Variants in ERBB3 observed in about 807,000 individuals in gnomAD.
ERBB3 encodes the protein receptor tyrosine-protein kinase erbB-3.
Under a neutral mutation model 156.7 loss-of-function variants are expected in ERBB3, and 96 were observed. The observed-to-expected ratio is 0.61, with a 90% confidence interval of 0.52 to 0.73. The LOEUF (loss-of-function observed/expected upper bound fraction) is 0.73, where lower values mean the gene tolerates loss of function less well. ERBB3 is among the 30% of genes least tolerant of loss of function. ERBB3 has a pLI of 0.00. For missense variants in ERBB3, 1,406 were observed against 1,709.4 expected, an observed-to-expected ratio of 0.82 and a Z score of 3.13; for synonymous variants, 567 against 632.0, an observed-to-expected ratio of 0.90 and a Z score of 1.54.
In ERBB3 at chr12:56,095,279, G is replaced by C; in HGVS notation, c.1882G>C (p.Asp628His). ...TAGGTGTAAAGGACCAGAGCTTCAA[G>C]ACTGTTTAGGACAAACACTGGTGCT... is the stretch of plus-strand genomic sequence containing the variant. ...TQGCKGPELQ[D>H]CLGQTLVLIG... is the part of the protein sequence containing the mutation. The change falls in exon 16 of 28, where the codon GAC becomes CAC. Residue 628 changes from aspartate to histidine, a missense_variant. This residue lies in a region of ERBB3 where 979 missense variants were observed against 1,219.6 expected (regional missense o/e 0.80). Transcript: ENST00000267101. The C allele has an allele frequency of 6.2e-7, 1 of 1,613,978 alleles. No homozygotes were observed. The highest frequency in any genetic ancestry group is 8.5e-7 in the Non-Finnish European group (1 of 1,179,834).
chr12:56,102,692 G>A lies in ERBB3; in HGVS notation c.*637G>A, dbSNP rs1869153226. On this transcript the variant is annotated 3_prime_UTR_variant, in exon 28 of 28. Coordinates refer to ENST00000267101, the MANE Select transcript of ERBB3 (RefSeq NM_001982.4). ...TCTCATTTTACACAAAGGGAAGTCGGGCATGGTGGCTCATGCCTGTAATCT... is the reference window on the plus strand; with the variant it reads ...TCTCATTTTACACAAAGGGAAGTCGAGCATGGTGGCTCATGCCTGTAATCT... 4.4e-6 allele frequency: 1 copy of A among 226,684 alleles called. No homozygotes were observed. Among genetic ancestry groups the A allele is most frequent in the African/African-American group, 2.2e-5 (1 of 44,790 alleles). 14.0% of individuals were successfully genotyped at this position (226,684 alleles called of 1,614,324 possible). A position where few individuals can be genotyped will look rare whatever the true frequency, so the allele number is the denominator to read the frequency against.
chr12:56,085,070 G>A lies in ERBB3; in HGVS notation c.310G>A (p.Val104Met), dbSNP rs1057519893. ...TACTCTACCATTGCCCAACCTCCGC[G>A]TGGTGCGAGGGACCCAGGTCTACGA... The part of the protein sequence containing the change: ...FSTLPLPNLR[V>M]VRGTQVYDGK... The change falls in exon 3 of 28, where the codon GTG (valine) becomes ATG (methionine). Residue 104 changes from valine to methionine, a missense_variant. Physicochemically the swap from Val to Met is conservative, Grantham distance 21. This residue lies in a region of ERBB3 where 979 missense variants were observed against 1,219.6 expected (regional missense o/e 0.80). Transcript: ENST00000267101. 6.2e-7 allele frequency: 1 copy of A among 1,614,096 alleles called. No homozygotes were observed. The highest frequency in any genetic ancestry group is 8.5e-7 in the Non-Finnish European group (1 of 1,180,020).
At chr12:56,086,792 C>A in intron 4 of ERBB3, 136 bp downstream of exon 4, 2 of 1,004,390 alleles carry the variant, frequency 2.0e-6, no homozygotes, top group Non-Finnish European at 3.1e-6. Context: ...CTCAGCAGCC[C>A]ACCAGGGCAG....
At position 56,085,147 on chromosome 12, in the gene ERBB3, C is replaced by T. The variant is rs774095251; in HGVS notation, c.387C>T (p.His129=). ...VMLNYNTNSS[H]ALRQLRLTQL... is the part of the protein sequence containing the mutation. Reference sequence around the variant, plus strand: ...TGAACTATAACACCAACTCCAGCCACGCTCTGCGCCAGCTCCGCTTGACTC... The same window carrying T: ...TGAACTATAACACCAACTCCAGCCATGCTCTGCGCCAGCTCCGCTTGACTC... Residue 129 remains histidine (H), a synonymous_variant, in exon 3 of 28, where the codon CAC becomes CAT. Transcript: ENST00000267101. 1.1e-5 allele frequency: 17 copies of T among 1,614,010 alleles called. No individual in the cohort carries two copies. The highest frequency in any genetic ancestry group is 5.0e-5 in the Admixed American group (3 of 59,974).
At chr12:56,086,995 A>C (rs555414441) in intron 4 of ERBB3, among the ~76,000 whole-genome samples, 17 of 152,142 alleles carry the variant, frequency 1.1e-4, no homozygotes, top group Admixed American at 1.1e-3. Flanking sequence ...AAAATCAGAC[A>C]GGCGTAGTGG....
chr12:56,081,281 G>A (rs776401513), intron 1 of ERBB3, among the ~76,000 whole-genome samples: 2 of 152,234 alleles, frequency 1.3e-5, no homozygotes, highest in African/African-American at 2.4e-5. Flanking sequence ...ACAGAGCCCC[G>A]GATTGCTCTT....
In ERBB3 at chr12:56,098,776, T is replaced by C. The variant is rs763753546; in HGVS notation, c.2710T>C (p.Leu904=). 10 of 1,613,846 alleles carry C rather than the reference T, an allele frequency of 6.2e-6. No homozygotes were observed. In the East Asian group the frequency reaches 6.7e-5, roughly 11 times the overall value. The change falls in exon 23 of 28, where the codon TTG becomes CTG. Residue 904 remains leucine, a synonymous_variant. Transcript: ENST00000267101. ...TGCAACAGGTGTGACAGTTTGGGAG[T>C]TGATGACCTTCGGGGCAGAGCCCTA... ...VWSYGVTVWE[L]MTFGAEPYAG... is the part of the protein sequence containing the mutation.
Position 56,095,801 on chromosome 12 carries a change from G to A in ERBB3, c.2050G>A (p.Gly684Ser), listed in dbSNP as rs758297377. The change falls in exon 17 of 28, where the codon GGT becomes AGT. Residue 684 changes from glycine (G) to serine (S), a missense_variant. Coordinates refer to ENST00000267101, the MANE Select transcript of ERBB3 (RefSeq NM_001982.4). Reference sequence around the variant, plus strand: ...GGCTATGAGGCGATACTTGGAACGGGGTGAGGTGAGTACTTAGCTTACTTT... The same window carrying A: ...GGCTATGAGGCGATACTTGGAACGGAGTGAGGTGAGTACTTAGCTTACTTT... ...KRAMRRYLER[G>S]ESIEPLDPSE... The A allele has an allele frequency of 6.2e-7, 1 of 1,614,158 alleles. No individual in the cohort carries two copies. The highest frequency in any genetic ancestry group is 8.5e-7 in the Non-Finnish European group (1 of 1,180,020).
At position 56,102,001 on chromosome 12, in the gene ERBB3, C is replaced by T. The variant is rs1182996382; in HGVS notation, c.3975C>T (p.Asn1325=). 2 of 1,613,492 alleles carry T rather than the reference C, an allele frequency of 1.2e-6. No homozygotes were observed. The highest frequency in any genetic ancestry group is 1.7e-5 in the Admixed American group (1 of 59,972). Residue 1325 remains asparagine, a synonymous_variant, in exon 28 of 28, where the codon AAC becomes AAT. Coordinates refer to ENST00000267101, the MANE Select transcript of ERBB3 (RefSeq NM_001982.4). ...AGGCTACAGACTCTGCCTTTGATAA[C>T]CCTGATTACTGGCATAGCAGGCTTT... is the stretch of plus-strand genomic sequence containing the variant. ...SLEATDSAFD[N]PDYWHSRLFP...
chr12:56,091,266 TTATATATATA>T (rs199547778), intron 9 of ERBB3, among the ~76,000 whole-genome samples: 3 of 43,434 alleles, frequency 6.9e-5, no homozygotes, highest in South Asian at 6.6e-4. Flanking sequence ...TTGGCTAATT[TTATATATATA>T]TATATATATA....
intron 2 of ERBB3, among the ~76,000 whole-genome samples, 197 bp from the exon 3 acceptor site, chr12:56,084,798 A>G (rs914239547): frequency 6.6e-6 from 1 of 152,070 alleles, no homozygotes; most frequent in East Asian, 1.9e-4. Context: ...TGGTGAGCCA[A>G]GATCGCACTA....
rs781015952 is a variant in ERBB3 at position 56,099,979 on chromosome 12, C to T, written c.3079C>T (p.Leu1027=). Residue 1027 remains leucine, a synonymous_variant, in exon 25 of 28, where the codon CTG becomes TTG. Transcript: ENST00000267101. ...AEEDNLATTT[L]GSALSLPVGT... ...GGAGGACAACCTGGCAACCACCACA[C>T]TGGGCTCCGCCCTCAGCCTACCAGT... 6.2e-7 allele frequency: 1 copy of T among 1,614,256 alleles called. No individual in the cohort carries two copies. Among genetic ancestry groups the T allele is most frequent in the Non-Finnish European group, 8.5e-7 (1 of 1,180,044 alleles).
At chr12:56,091,603 G>T (rs1461405911) in intron 9 of ERBB3, among the ~76,000 whole-genome samples, 1 of 151,144 alleles carries the variant, frequency 6.6e-6, no homozygotes, top group Non-Finnish European at 1.5e-5. Flanking sequence ...CTCCCAAAGT[G>T]CTGGGATTAT....
intron 27 of ERBB3, 24 bp from the exon 28 acceptor site, chr12:56,101,505 C>T (rs758891575): frequency 2.0e-4 from 315 of 1,612,312 alleles, no homozygotes; most frequent in Non-Finnish European, 2.6e-4. Context: ...CTTCACATAC[C>T]TAGCCTTTCT....
chr12:56,087,549 C>T, intron 4 of ERBB3, 28 bp from the exon 5 acceptor site: 1 of 1,596,252 alleles, frequency 6.3e-7, no homozygotes, highest in Non-Finnish European at 8.6e-7. Context: ...CCCTGATGGC[C>T]CCTTGTGTTG....
At chr12:56,081,079 C>A (rs1412286048) in intron 1 of ERBB3, among the ~76,000 whole-genome samples, 1 of 152,228 alleles carries the variant, frequency 6.6e-6, no homozygotes, top group Non-Finnish European at 1.5e-5. Context: ...ATCTACTATA[C>A]ACAAGGCCCT....
At chr12:56,080,487 G>A in intron 1 of ERBB3, 105 bp downstream of exon 1, 1 of 921,584 alleles carries the variant, frequency 1.1e-6, no homozygotes, top group Non-Finnish European at 1.7e-6. Context: ...CGGGGTTGTG[G>A]GTGCTGCCCC....
At position 56,086,540 on chromosome 12, in the gene ERBB3, CAG is replaced by C. The variant is rs1868492904; in HGVS notation, c.432_433del (p.Gly146CysfsTer4). On this transcript the variant is annotated frameshift_variant, in exon 4 of 28. Transcript: ENST00000267101. LOFTEE classifies it high-confidence loss of function. The stretch of plus-strand genomic sequence containing the variant: ...TCTTTCCCTACCTCAGAGATTCTGT[CAG>C]GGGGTGTTTATATTGAGAAGAACGA... 1 of 1,613,996 alleles carries C rather than the reference CAG, an allele frequency of 6.2e-7. No homozygotes were observed. Among genetic ancestry groups the C allele is most frequent in the Non-Finnish European group, 8.5e-7 (1 of 1,180,012 alleles).
At position 56,100,018 on chromosome 12, in the gene ERBB3, C is replaced by T. The variant is rs200017094; in HGVS notation, c.3118C>T (p.Arg1040Trp). Residue 1040 changes from arginine (R) to tryptophan (W), a missense_variant, in exon 25 of 28, where the codon CGG becomes TGG. Arg to Trp is a moderately radical substitution (Grantham distance 101). Transcript: ENST00000267101. ...ALSLPVGTLN[R>W]PRGSQSLLSP... ...CAGCCTACCAGTTGGAACACTTAAT[C>T]GGCCACGTGGGGTAAGACAACTTCT... 17 of 1,614,196 alleles carry T rather than the reference C, an allele frequency of 1.1e-5. No homozygotes were observed. The highest frequency in any genetic ancestry group is 4.0e-5 in the African/African-American group (3 of 75,052).
Sources: gnomAD v4.1 joint callset for allele counts (sites outside exome capture counted in the v4.1 genomes callset) on GRCh38, gnomAD v4.1.1 for gene constraint, gnomAD v4.1.1 regional missense constraint, MANE v1.5 for transcripts, NCBI Gene and HGNC (gene_info 2026-07-23, HGNC 2026-07-21) for gene names.